The following HPSE2 variants were observed in gnomAD, a reference collection of about 807,000 sequenced individuals.
The protein encoded by HPSE2 is inactive heparanase-2.
In HPSE2, 38 loss-of-function variants were observed where a neutral mutation model predicts 60.5. The observed-to-expected ratio is 0.63, with a 90% CI of 0.48 to 0.82. The LOEUF is 0.82. HPSE2 is among the 40% of genes least tolerant of loss of function. The pLI is 0.00. For synonymous variants in HPSE2, 295 were observed against 293.2 expected (o/e 1.01, Z -0.06); for missense variants, 713 against 740.4 (o/e 0.96, Z 0.43).
chr10:98,537,108 G>A (rs1943306757), intron 9 of HPSE2, among the ~76,000 whole-genome samples: 1 of 152,224 alleles, frequency 6.6e-6, no homozygotes. Flanking sequence ...TGGGGAGTAA[G>A]ATGAAGGAGT....
intron 3 of HPSE2, among the ~76,000 whole-genome samples, chr10:98,870,172 T>C (rs946347875): frequency 2.6e-5 from 4 of 152,222 alleles, no homozygotes; most frequent in African/African-American, 4.8e-5. Flanking sequence ...TTGTGAACTC[T>C]AACAAAATTG....
At chr10:99,014,534 G>A (rs1278093757) in intron 3 of HPSE2, among the ~76,000 whole-genome samples, 1 of 152,140 alleles carries the variant, frequency 6.6e-6, no homozygotes, top group African/African-American at 2.4e-5. Flanking sequence ...TCGCCACACT[G>A]TTTTTCACAA....
At chr10:99,165,960 T>A (rs1847063252) in intron 2 of HPSE2, among the ~76,000 whole-genome samples, 1 of 152,092 alleles carries the variant, frequency 6.6e-6, no homozygotes, top group Non-Finnish European at 1.5e-5. Context: ...AACCCCTCCA[T>A]TCATCCTCAT....
rs550751541 is a variant in HPSE2 at position 98,555,413 on chromosome 10, C to T, written c.1320+59491G>A. Among the ~76,000 whole-genome samples, 5 of 152,308 alleles carry T rather than the reference C, an allele frequency of 3.3e-5. No homozygotes were observed. The East Asian group carries it at 5.8e-4, about 18-fold the overall frequency. The stretch of plus-strand genomic sequence containing the variant: ...ATGTGTCTGCCTGCCCGGATCTCCC[C>T]TCTGAGGGCTGTTTATGTTTGCACA... On this transcript the variant is annotated intron_variant, in intron 9 of 11. Coordinates refer to ENST00000370552, the MANE Select transcript of HPSE2 (RefSeq NM_021828.5).
At chr10:99,070,296 G>A (rs865800734) in intron 3 of HPSE2, among the ~76,000 whole-genome samples, 20 of 152,150 alleles carry the variant, frequency 1.3e-4, no homozygotes, top group African/African-American at 3.6e-4. Flanking sequence ...TTTTTTAAAT[G>A]GACAATATAT....
intron 3 of HPSE2, among the ~76,000 whole-genome samples, chr10:99,005,172 C>T (rs1183865045): frequency 6.6e-6 from 1 of 152,060 alleles, no homozygotes. Flanking sequence ...CCTTCTTTTA[C>T]CTAGATCTCT....
At chr10:99,088,791 T>C (rs1843415068) in intron 3 of HPSE2, among the ~76,000 whole-genome samples, 3 of 152,204 alleles carry the variant, frequency 2.0e-5, no homozygotes, top group Admixed American at 6.5e-5. Flanking sequence ...CTGTTTTCTG[T>C]AGTGGTTGTA....
rs568148568 is a variant in HPSE2, at chr10:98,683,642, G to C, written c.1004+10258C>G. ...GATTAAGGAGGTTTATCAGAAAAGA[G>C]AGGAAAAGTAAAGAAGAGAAAATAT... On this transcript the variant is annotated intron_variant, in intron 6 of 11. Transcript: ENST00000370552. 2.6e-4 allele frequency among the ~76,000 whole-genome samples: 40 copies of C among 151,870 alleles called. 1 individual carries two copies. In the South Asian group the frequency reaches 8.3e-3, roughly 32 times the overall value.
At chr10:99,133,703 G>C (rs1026839972) in intron 3 of HPSE2, among the ~76,000 whole-genome samples, 5 of 151,892 alleles carry the variant, frequency 3.3e-5, no homozygotes, top group Non-Finnish European at 7.4e-5. Context: ...TCCACTCAAA[G>C]ACCCCATCCA....
chr10:99,232,440 CT>C lies in HPSE2; in HGVS notation c.355del (p.Arg119GlyfsTer10), dbSNP rs1564911334. On this transcript the variant is annotated frameshift_variant, in exon 2 of 12. Transcript: ENST00000370552. LOFTEE classifies it high-confidence loss of function. The part of the protein sequence containing the change: ...SPAFLRFGGK[R>X]TDFLQFQNLR... The stretch of plus-strand genomic sequence containing the variant: ...GTTCTGGAACTGCAGGAAGTCGGTC[CT>C]TTTGCCCCCGAAGCGCAGAAAGGCG... 1 of 1,557,256 alleles carries C rather than the reference CT, an allele frequency of 6.4e-7. No individual in the cohort carries two copies. Among genetic ancestry groups the C allele is most frequent in the East Asian group, 2.4e-5 (1 of 41,564 alleles).
At chr10:98,825,483 T>A (rs930395429) in intron 3 of HPSE2, among the ~76,000 whole-genome samples, 3 of 152,140 alleles carry the variant, frequency 2.0e-5, no homozygotes, top group African/African-American at 7.2e-5. Context: ...AAGGGAGGCC[T>A]TCCCTAACAT....
chr10:98,862,693 T>C (rs992346960), intron 3 of HPSE2, among the ~76,000 whole-genome samples: 2 of 151,998 alleles, frequency 1.3e-5, no homozygotes, highest in Admixed American at 1.3e-4. Context: ...AAGAGTAGAG[T>C]AGGCAAGAGA....
At chr10:98,694,796 T>A (rs1245114416) in intron 5 of HPSE2, among the ~76,000 whole-genome samples, 1 of 152,216 alleles carries the variant, frequency 6.6e-6, no homozygotes, top group Non-Finnish European at 1.5e-5. Context: ...GCTATCATGG[T>A]TATAACTACT....
At chr10:98,486,350 C>T (rs1339763601) in intron 10 of HPSE2, among the ~76,000 whole-genome samples, 14 of 152,102 alleles carry the variant, frequency 9.2e-5, no homozygotes, top group African/African-American at 3.1e-4. Flanking sequence ...GTCCAGGTGG[C>T]TTTTGGTTAT....
At chr10:98,485,829 T>C (rs1177526766) in intron 10 of HPSE2, among the ~76,000 whole-genome samples, 1 of 152,196 alleles carries the variant, frequency 6.6e-6, no homozygotes, top group East Asian at 1.9e-4. Context: ...AGCCACATGC[T>C]TGCATTTATG....
intron 5 of HPSE2, among the ~76,000 whole-genome samples, chr10:98,697,015 T>A (rs1032561602): frequency 6.6e-6 from 1 of 151,704 alleles, no homozygotes; most frequent in Non-Finnish European, 1.5e-5. Context: ...CAAAGATTGA[T>A]AGTAGACAAA....
chr10:98,555,804 C>T (rs867573432), intron 9 of HPSE2, among the ~76,000 whole-genome samples: 8 of 152,086 alleles, frequency 5.3e-5, no homozygotes, highest in Admixed American at 3.3e-4. Flanking sequence ...ACGAAAATAA[C>T]GTAAAGCAGC....
At chr10:99,152,909 C>T (rs545325860) in intron 2 of HPSE2, among the ~76,000 whole-genome samples, 497 of 152,312 alleles carry the variant, frequency 3.3e-3, no homozygotes, top group African/African-American at 0.011. Context: ...GTGCGCGAGC[C>T]GAAGCAGGGC....
chr10:98,727,246 T>C (rs1020443378), intron 4 of HPSE2, among the ~76,000 whole-genome samples: 1 of 152,032 alleles, frequency 6.6e-6, no homozygotes, highest in African/African-American at 2.4e-5. Context: ...CTATTATACA[T>C]GAAAAAAATA....
Sources: gnomAD v4.1 joint callset for allele counts (sites outside exome capture counted in the v4.1 genomes callset) on GRCh38, gnomAD v4.1.1 for gene constraint, MANE v1.5 for transcripts, NCBI Gene and HGNC (gene_info 2026-07-23, HGNC 2026-07-21) for gene names.